The following CADM1 variants were observed in gnomAD, a reference collection of about 807,000 sequenced individuals.
CADM1 encodes cell adhesion molecule 1, also known as TSLC-1.
Under a neutral mutation model 53.1 loss-of-function variants are expected in CADM1, and 15 were observed. That is an observed-to-expected ratio of 0.28 (90% CI 0.19 to 0.44). The LOEUF is 0.44. Ranked by LOEUF, CADM1 falls within the 20% of genes least tolerant of loss-of-function variation. The probability of loss-of-function intolerance (pLI) is 1.00; values close to 1 mark genes in which losing one functional copy is unlikely to be tolerated. For missense variants in CADM1, 434 were observed against 611.3 expected (o/e 0.71, Z 3.06); for synonymous variants, 281 against 243.0 (o/e 1.16, Z -1.45).
chr11:115,369,026 T>TAAAAAAAAAAAAAAAAAAAAAAAAAAAAA (rs552309443), intron 1 of CADM1, among the ~76,000 whole-genome samples: 1 of 44,748 alleles, frequency 2.2e-5, no homozygotes, highest in Non-Finnish European at 4.1e-5. Flanking sequence ...AAAAAAAATC[T>TAAAAAAAAAAAAAAAAAAAAAAAAAAAAA]AAAAAAAAAA....
intron 1 of CADM1, among the ~76,000 whole-genome samples, chr11:115,280,191 C>G (rs1943550709): frequency 6.6e-6 from 1 of 152,146 alleles, no homozygotes. Context: ...GTGGTGTGTA[C>G]AGGAAGCTCA....
intron 1 of CADM1, among the ~76,000 whole-genome samples, chr11:115,451,836 A>AT (rs1015977030): frequency 1.3e-5 from 2 of 152,152 alleles, no homozygotes; most frequent in African/African-American, 4.8e-5. Context: ...CACCGGTGGA[A>AT]TTAGGATTAC....
At chr11:115,402,616 A>T (rs1360644024) in intron 1 of CADM1, among the ~76,000 whole-genome samples, 1 of 152,218 alleles carries the variant, frequency 6.6e-6, no homozygotes, top group Non-Finnish European at 1.5e-5. Flanking sequence ...CAAAGGACAT[A>T]AACAGGGAGT....
intron 1 of CADM1, among the ~76,000 whole-genome samples, chr11:115,496,842 G>A (rs1233897569): frequency 6.6e-6 from 1 of 152,180 alleles, no homozygotes; most frequent in East Asian, 1.9e-4. Flanking sequence ...TGGAGACCAG[G>A]ATGTCAATGG....
At chr11:115,231,738 G>A (rs147888842) in intron 3 of CADM1, among the ~76,000 whole-genome samples, 1 of 152,102 alleles carries the variant, frequency 6.6e-6, no homozygotes, top group African/African-American at 2.4e-5. Context: ...TGTAATCCCA[G>A]AACTTTGGGA....
chr11:115,256,787 C>T, intron 1 of CADM1: 1 of 456,024 alleles, frequency 2.2e-6, no homozygotes, highest in Non-Finnish European at 4.4e-6. Context: ...TTACTCCTTC[C>T]TCTAAAAAGT....
At chr11:115,279,367 G>C (rs1312265905) in intron 1 of CADM1, among the ~76,000 whole-genome samples, 1 of 152,096 alleles carries the variant, frequency 6.6e-6, no homozygotes, top group Non-Finnish European at 1.5e-5. Context: ...ATTTCACAAA[G>C]ACCATGTAAG....
In CADM1 at chr11:115,360,002, T is replaced by C. The variant is rs56772855; in HGVS notation, c.125-119582A>G. Among the ~76,000 whole-genome samples the C allele has an allele frequency of 7.8e-3, 1,190 of 152,336 alleles. 16 individuals carry two copies. Among genetic ancestry groups the C allele is most frequent in the African/African-American group, 0.026 (1,063 of 41,572 alleles). On this transcript the variant is annotated intron_variant, in intron 1 of 11. Transcript: ENST00000331581. Reference sequence around the variant, plus strand: ...AATAAAAACCACAACAATGGTTATATCCATTCATTGTTCACCTACTATGTG... The same window carrying C: ...AATAAAAACCACAACAATGGTTATACCCATTCATTGTTCACCTACTATGTG...
intron 5 of CADM1, among the ~76,000 whole-genome samples, chr11:115,223,977 G>GAGAGAGAGAT (rs1379124481): frequency 6.9e-6 from 1 of 145,776 alleles, no homozygotes; most frequent in East Asian, 2.0e-4. Context: ...AAAAAAAAGA[G>GAGAGAGAGAT]AGAGAGAGAG....
chr11:115,447,825 C>T (rs1391607387), intron 1 of CADM1, among the ~76,000 whole-genome samples: 3 of 152,242 alleles, frequency 2.0e-5, no homozygotes, highest in Non-Finnish European at 4.4e-5. Flanking sequence ...CACAGCACCA[C>T]AGCAACTTCT....
chr11:115,444,931 G>A (rs1442472846), intron 1 of CADM1, among the ~76,000 whole-genome samples: 1 of 152,168 alleles, frequency 6.6e-6, no homozygotes, highest in Non-Finnish European at 1.5e-5. Context: ...ATTTGCAGGG[G>A]GCAGGCACGT....
At position 115,234,893 on chromosome 11, in the gene CADM1, C is replaced by CAAAA. The variant is rs57197514; in HGVS notation, c.425-3407_425-3404dup. 1.2e-3 allele frequency among the ~76,000 whole-genome samples: 93 copies of CAAAA among 75,384 alleles called. 2 individuals carry two copies. The highest frequency in any genetic ancestry group is 3.9e-3 in the African/African-American group (73 of 18,780). 49.5% of individuals were successfully genotyped at this position (75,384 alleles called of 152,430 possible). On this transcript the variant is annotated intron_variant, in intron 3 of 11. Transcript: ENST00000331581. Reference sequence around the variant, plus strand: ...GGGCGACACAGGGAGACTCCGTCTCCAAAAAAAAAAAAAAAAAAAAAAAAA... The same window carrying CAAAA: ...GGGCGACACAGGGAGACTCCGTCTCCAAAAAAAAAAAAAAAAAAAAAAAAAAAAA...
intron 8 of CADM1, among the ~76,000 whole-genome samples, chr11:115,209,274 G>T (rs1940836430): frequency 6.6e-6 from 1 of 152,202 alleles, no homozygotes; most frequent in African/African-American, 2.4e-5. Context: ...AGAAGCTATA[G>T]GCGTGTTCTC....
chr11:115,343,373 A>G (rs180917096), intron 1 of CADM1, among the ~76,000 whole-genome samples: 75 of 152,238 alleles, frequency 4.9e-4, no homozygotes, highest in African/African-American at 1.8e-3. Flanking sequence ...TGGGGTAAGC[A>G]CCATTATCAT....
At chr11:115,243,535 G>A (rs967387108) in intron 1 of CADM1, among the ~76,000 whole-genome samples, 19 of 152,168 alleles carry the variant, frequency 1.2e-4, no homozygotes, top group Non-Finnish European at 2.6e-4. Context: ...GAATAATAAT[G>A]ACCTATTTAT....
chr11:115,220,725 T>C (rs1056949116), intron 5 of CADM1, among the ~76,000 whole-genome samples: 1 of 152,218 alleles, frequency 6.6e-6, no homozygotes, highest in Admixed American at 6.5e-5. Context: ...GATCTATCCC[T>C]GGGTGATGGA....
chr11:115,203,608 A>G (rs1940540346), intron 8 of CADM1, among the ~76,000 whole-genome samples: 1 of 152,222 alleles, frequency 6.6e-6, no homozygotes, highest in South Asian at 2.1e-4. Flanking sequence ...TTAGGTCTTT[A>G]GTATGAAAAC....
intron 1 of CADM1, among the ~76,000 whole-genome samples, chr11:115,388,124 C>A (rs1946744975): frequency 6.6e-6 from 1 of 151,808 alleles, no homozygotes; most frequent in African/African-American, 2.4e-5. Flanking sequence ...ATTTGAGCAC[C>A]AAAATAATTA....
At position 115,223,972 on chromosome 11, in the gene CADM1, A is replaced by AG. The variant is rs1941501955; in HGVS notation, c.721+5140_721+5141insC. On this transcript the variant is annotated intron_variant, in intron 5 of 11. Coordinates refer to ENST00000331581, the MANE Select transcript of CADM1 (RefSeq NM_001301043.2). Reference sequence around the variant, plus strand: ...CGTATTCCGTTTAAAAAAAAAAAAAAAAGAGAGAGAGAGAGAGAGAGAGAC... The same window carrying AG: ...CGTATTCCGTTTAAAAAAAAAAAAAAGAAGAGAGAGAGAGAGAGAGAGAGAC... 5.4e-3 allele frequency among the ~76,000 whole-genome samples: 342 copies of AG among 63,490 alleles called. 1 individual carries two copies. The highest frequency in any genetic ancestry group is 0.052 in the East Asian group (124 of 2,392). 41.7% of individuals were successfully genotyped at this position (63,490 alleles called of 152,430 possible). A position where few individuals can be genotyped will look rare whatever the true frequency, so the allele number is the denominator to read the frequency against.
Sources: gnomAD v4.1 joint callset for allele counts (sites outside exome capture counted in the v4.1 genomes callset) on GRCh38, gnomAD v4.1.1 for gene constraint, MANE v1.5 for transcripts, NCBI Gene and HGNC (gene_info 2026-07-23, HGNC 2026-07-21) for gene names.